The following C3orf52 variants were observed in gnomAD, a reference collection of about 807,000 sequenced individuals.
C3orf52 encodes TPA-induced transmembrane protein.
A neutral mutation model predicts 24.8 loss-of-function variants in C3orf52; 22 were observed. The ratio of observed to expected loss-of-function variants is 0.89; its 90% confidence interval spans 0.63 to 1.27. The LOEUF (loss-of-function observed/expected upper bound fraction) is 1.27, where lower values mean the gene tolerates loss of function less well. C3orf52 is among the 50% of genes most tolerant of loss of function. The pLI, the probability that C3orf52 is intolerant of heterozygous loss-of-function variation, is 0.00. For missense variants in C3orf52, 265 were observed against 260.7 expected, an observed-to-expected ratio of 1.02 and a Z score of -0.11; for synonymous variants, 93 against 100.2, an observed-to-expected ratio of 0.93 and a Z score of 0.43.
Position 112,102,953 on chromosome 3 carries a change from G to A in C3orf52, c.384G>A (p.Leu128=). ...TTGCTGAAGAGGAATTGCCTCACCT[G>A]CTCACCGAAAGGGTAATTCCATCTT... ...ECVAEEELPH[L]LTERLTDVYS... The change falls in exon 3 of 6, where the codon CTG becomes CTA. Residue 128 remains leucine (L), a synonymous_variant. Transcript: ENST00000264848. 6.2e-7 allele frequency: 1 copy of A among 1,612,262 alleles called. No individual in the cohort carries two copies. Among genetic ancestry groups the A allele is most frequent in the Non-Finnish European group, 8.5e-7 (1 of 1,179,248 alleles).
In C3orf52 at chr3:112,116,651, A is replaced by G. The variant is rs758613704; in HGVS notation, c.*5A>G. The G allele has an allele frequency of 1.3e-6, 2 of 1,586,920 alleles. No homozygotes were observed. Among genetic ancestry groups the G allele is most frequent in the Non-Finnish European group, 1.7e-6 (2 of 1,163,844 alleles). ...TGTGTTTTCTTTTTAGAATGAAGTG[A>G]TGGAGGCTGGTCTCTGTCTGAAAGC... On this transcript the variant is annotated 3_prime_UTR_variant, in exon 6 of 6. Transcript: ENST00000264848.
intron 3 of C3orf52, among the ~76,000 whole-genome samples, chr3:112,105,424 A>G (rs755408423): frequency 6.6e-6 from 1 of 152,172 alleles, no homozygotes; most frequent in Non-Finnish European, 1.5e-5. Flanking sequence ...CCTTTCTTCC[A>G]TTAGGTCAAG....
chr3:112,098,540 A>G (rs1158097289), intron 2 of C3orf52, among the ~76,000 whole-genome samples: 1 of 152,236 alleles, frequency 6.6e-6, no homozygotes, highest in Non-Finnish European at 1.5e-5. Context: ...AGAGATATTT[A>G]TCTAAAAATA....
rs780253672 is a variant in C3orf52 at position 112,127,020 on chromosome 3, T to G, written c.*47-1213T>G. ...TGGGAATCTTGCCTCTTTTCAAAAATGAGTATTTTTTTCCTGTAAAAGAAA... is the reference window on the plus strand; with the variant it reads ...TGGGAATCTTGCCTCTTTTCAAAAAGGAGTATTTTTTTCCTGTAAAAGAAA... On this transcript the variant is annotated intron_variant, in intron 4 of 4. Coordinates refer to the C3orf52 transcript ENST00000480282. The G allele has an allele frequency of 9.5e-6, 15 of 1,586,576 alleles. No individual in the cohort carries two copies. In the South Asian group the frequency reaches 1.7e-4, roughly 18 times the overall value.
chr3:112,086,754 C>T (rs973950159), intron 1 of C3orf52, among the ~76,000 whole-genome samples: 1 of 152,182 alleles, frequency 6.6e-6, no homozygotes, highest in Non-Finnish European at 1.5e-5. Context: ...CTGGGGTCCT[C>T]CAACCCCTCT....
At chr3:112,129,320 G>A (rs1446776940), downstream of C3orf52, 1 of 152,200 alleles carries the variant, frequency 6.6e-6, no homozygotes, top group African/African-American at 2.4e-5. Flanking sequence ...AAAAGAGGAT[G>A]TATATACTGC....
At position 112,116,819 on chromosome 3, in the gene C3orf52, G is replaced by A; in HGVS notation, c.*173G>A. 6.5e-7 allele frequency: 1 copy of A among 1,538,730 alleles called. No individual in the cohort carries two copies. Among genetic ancestry groups the A allele is most frequent in the Non-Finnish European group, 8.7e-7 (1 of 1,146,922 alleles). ...ATTCTACAGTCTGGCTCTAAGCCCA[G>A]TAAAACAGCTCCCGAGCACTGCTTC... is the stretch of plus-strand genomic sequence containing the variant. On this transcript the variant is annotated 3_prime_UTR_variant, in exon 6 of 6. Transcript: ENST00000264848.
chr3:112,088,412 G>A (rs1210855500), intron 1 of C3orf52, among the ~76,000 whole-genome samples: 1 of 152,232 alleles, frequency 6.6e-6, no homozygotes, highest in Non-Finnish European at 1.5e-5. Context: ...TGAAGTCCAT[G>A]TATTTTCATT....
chr3:112,102,535 T>C (rs2073982690), intron 2 of C3orf52, among the ~76,000 whole-genome samples: 1 of 152,132 alleles, frequency 6.6e-6, no homozygotes, highest in South Asian at 2.1e-4. Flanking sequence ...AGGTTTAGTC[T>C]AATAAGGAAG....
Position 112,117,273 on chromosome 3 carries a change from G to C in C3orf52, c.*627G>C, listed in dbSNP as rs1020820091. ...CACTTTAGAAGACCTCAGCAGTGTG[G>C]TTCTGTGTCTACTTCCATGACCTGT... On this transcript the variant is annotated 3_prime_UTR_variant, in exon 6 of 6. Transcript: ENST00000264848. 5.0e-6 allele frequency: 2 copies of C among 397,808 alleles called. No individual in the cohort carries two copies. Among genetic ancestry groups the C allele is most frequent in the African/African-American group, 4.0e-5 (2 of 50,356 alleles). The allele number at this position is 397,808 out of a possible 1,614,324, so 24.6% of individuals were successfully genotyped here. A position where few individuals can be genotyped will look rare whatever the true frequency, so the allele number is the denominator to read the frequency against.
chr3:112,130,923 C>G (rs900311972), downstream of C3orf52: 1 of 172,946 alleles, frequency 5.8e-6, no homozygotes. Context: ...GTGTAAATCA[C>G]ACCATCTTTC....
chr3:112,119,149 G>A (rs533968474), downstream of C3orf52, among the ~76,000 whole-genome samples: 15 of 152,268 alleles, frequency 9.9e-5, no homozygotes, highest in African/African-American at 2.6e-4. Flanking sequence ...TTGGGAGGCC[G>A]AGGCAGGCAG....
In C3orf52 at chr3:112,117,014, G is replaced by A. The variant is rs530942451; in HGVS notation, c.*368G>A. 2.2e-4 allele frequency: 276 copies of A among 1,245,506 alleles called. 4 individuals carry two copies. The South Asian group carries it at 3.5e-3, about 16-fold the overall frequency. 77.2% of individuals were successfully genotyped at this position (1,245,506 alleles called of 1,614,324 possible). A position where few individuals can be genotyped will look rare whatever the true frequency, so the allele number is the denominator to read the frequency against. On this transcript the variant is annotated 3_prime_UTR_variant, in exon 6 of 6. Coordinates refer to ENST00000264848, the MANE Select transcript of C3orf52 (RefSeq NM_024616.3). Reference sequence around the variant, plus strand: ...TGTCGCTTAGCTGGAGTGCGGTGGCGTGATCATGGCACTGCTATTCTTGAA... The same window carrying A: ...TGTCGCTTAGCTGGAGTGCGGTGGCATGATCATGGCACTGCTATTCTTGAA...
chr3:112,128,429 G>T, exon 5 of C3orf52: 4 of 380,198 alleles, frequency 1.1e-5, no homozygotes, highest in Non-Finnish European at 2.0e-5. Flanking sequence ...TTCAGGTATG[G>T]GTTAGGCAAT....
chr3:112,128,153 C>G, intron 4 of C3orf52: 1 of 1,113,948 alleles, frequency 9.0e-7, no homozygotes, highest in East Asian at 2.4e-5. Flanking sequence ...CTGTGGAAAA[C>G]TTTTTTTCTC....
At chr3:112,097,092 A>G (rs2073933317) in intron 2 of C3orf52, among the ~76,000 whole-genome samples, 1 of 152,222 alleles carries the variant, frequency 6.6e-6, no homozygotes, top group Admixed American at 6.5e-5. Flanking sequence ...TTCCTTCCTC[A>G]TAAGGAATTA....
At chr3:112,122,780 C>G (rs1162976591), downstream of C3orf52, 1 of 152,174 alleles carries the variant, frequency 6.6e-6, no homozygotes, top group East Asian at 1.9e-4. Flanking sequence ...AAGGATCGTT[C>G]TTCTTAACAT....
chr3:112,102,174 C>T (rs1179344753), intron 2 of C3orf52, among the ~76,000 whole-genome samples: 2 of 152,052 alleles, frequency 1.3e-5, no homozygotes, highest in South Asian at 2.1e-4. Context: ...GACATGGACT[C>T]GCATGCTCAT....
chr3:112,105,850 G>A (rs1184982413), intron 3 of C3orf52, among the ~76,000 whole-genome samples: 2 of 149,240 alleles, frequency 1.3e-5, no homozygotes, highest in Non-Finnish European at 3.0e-5. Flanking sequence ...AAAGATGCCA[G>A]TTCAGTTACA....
Sources: gnomAD v4.1 joint callset for allele counts (sites outside exome capture counted in the v4.1 genomes callset) on GRCh38, gnomAD v4.1.1 for gene constraint, MANE v1.5 for transcripts, NCBI Gene and HGNC (gene_info 2026-07-23, HGNC 2026-07-21) for gene names.